Variants in IGSF21 observed in about 807,000 individuals in gnomAD.
IGSF21 encodes immunoglobin superfamily member 21, also known as immunoglobulin superfamily member 21.
IGSF21 carries 28 observed loss-of-function variants against 46.8 expected under a neutral mutation model. The observed-to-expected ratio is 0.60, with a 90% CI of 0.44 to 0.82. IGSF21 has a LOEUF of 0.82. Among genes scored for constraint, IGSF21 ranks in the 40% least tolerant of loss-of-function variants. The probability of loss-of-function intolerance (pLI) is 0.00; values close to 1 mark genes in which losing one functional copy is unlikely to be tolerated. For missense variants in IGSF21, 624 were observed against 665.5 expected, an observed-to-expected ratio of 0.94 and a Z score of 0.69; for synonymous variants, 284 against 273.6, an observed-to-expected ratio of 1.04 and a Z score of -0.38.
intron 3 of IGSF21, among the ~76,000 whole-genome samples, chr1:18,302,110 C>G (rs1385438572): frequency 6.6e-6 from 1 of 151,812 alleles, no homozygotes; most frequent in East Asian, 1.9e-4. Context: ...CAGGTTCCCA[C>G]TTCTTCTCTC....
intron 3 of IGSF21, among the ~76,000 whole-genome samples, chr1:18,324,437 C>G (rs1329057377): frequency 6.6e-6 from 1 of 152,234 alleles, no homozygotes; most frequent in Non-Finnish European, 1.5e-5. Context: ...CCAAGCCTCC[C>G]CAACCGCCTG....
chr1:18,378,441 T>G lies in IGSF21; in HGVS notation c.*115T>G. On this transcript the variant is annotated 3_prime_UTR_variant, in exon 10 of 10. Coordinates refer to ENST00000251296, the MANE Select transcript of IGSF21 (RefSeq NM_032880.5). ...GTCTCTTTCCATCTGTGTCTTGGCT[T>G]CTTCAGTCGGTTTAATTAAAACAAA... 1.2e-6 allele frequency: 1 copy of G among 867,572 alleles called. No individual in the cohort carries two copies. The highest frequency in any genetic ancestry group is 1.6e-5 in the South Asian group (1 of 61,052). The allele number at this position is 867,572 out of a possible 1,614,324, so 53.7% of individuals were successfully genotyped here. A position where few individuals can be genotyped will look rare whatever the true frequency, so the allele number is the denominator to read the frequency against.
intron 2 of IGSF21, among the ~76,000 whole-genome samples, chr1:18,260,044 T>G (rs954110414): frequency 1.3e-5 from 2 of 152,220 alleles, no homozygotes. Context: ...AACATCCCCC[T>G]CATCGTTTGG....
intron 2 of IGSF21, among the ~76,000 whole-genome samples, chr1:18,231,179 T>G (rs2084622590): frequency 3.9e-5 from 6 of 152,132 alleles, no homozygotes. Flanking sequence ...GCCCAAAACA[T>G]GTGTCAAGCC....
intron 2 of IGSF21, among the ~76,000 whole-genome samples, chr1:18,288,496 T>G (rs1410400005): frequency 6.6e-6 from 1 of 152,196 alleles, no homozygotes; most frequent in Non-Finnish European, 1.5e-5. Flanking sequence ...TTCTCGGCCG[T>G]GAGGCTGCAA....
chr1:18,123,643 G>A (rs1276148740), intron 1 of IGSF21, among the ~76,000 whole-genome samples: 1 of 152,168 alleles, frequency 6.6e-6, no homozygotes, highest in Non-Finnish European at 1.5e-5. Flanking sequence ...AAGGGGTGAT[G>A]CATGACTGGG....
chr1:18,344,201 C>T (rs1221021810), intron 4 of IGSF21, among the ~76,000 whole-genome samples: 1 of 152,222 alleles, frequency 6.6e-6, no homozygotes, highest in Non-Finnish European at 1.5e-5. Context: ...TTCTTTTCCA[C>T]TCTGTCACCC....
At chr1:18,227,725 G>C (rs879251849) in intron 1 of IGSF21, among the ~76,000 whole-genome samples, 173 bp from the exon 2 acceptor site, 1 of 151,956 alleles carries the variant, frequency 6.6e-6, no homozygotes, top group South Asian at 2.1e-4. Context: ...CTCCATTTGG[G>C]CCTGCAGTCA....
Position 18,273,395 on chromosome 1 carries a change from CTTTCCTTTCCTTTCCTTTCT to C in IGSF21, c.184-18448_184-18429del, listed in dbSNP as rs1557618221. ...CTTTCCTTTCCTTTCCTTTCCTTTC[CTTTCCTTTCCTTTCCTTTCT>C]TTTCCTTTCCTTTCCTTTCTTTCTT... On this transcript the variant is annotated intron_variant, in intron 2 of 9. Transcript: ENST00000251296. Among the ~76,000 whole-genome samples, 76 of 136,620 alleles carry C rather than the reference CTTTCCTTTCCTTTCCTTTCT, an allele frequency of 5.6e-4. 1 individual carries two copies. Among genetic ancestry groups the C allele is most frequent in the African/African-American group, 1.9e-3 (68 of 35,526 alleles). The allele number at this position is 136,620 out of a possible 152,430, so 89.6% of individuals were successfully genotyped here. A position where few individuals can be genotyped will look rare whatever the true frequency, so the allele number is the denominator to read the frequency against.
chr1:18,196,832 G>A (rs79420115), intron 1 of IGSF21, among the ~76,000 whole-genome samples: 2,327 of 152,240 alleles, frequency 0.015, 58 homozygotes, highest in African/African-American at 0.053. Flanking sequence ...TCTGGAAGAT[G>A]CTGTTTTCCC....
chr1:18,165,422 G>C (rs1439310786), intron 1 of IGSF21, among the ~76,000 whole-genome samples: 1 of 152,052 alleles, frequency 6.6e-6, no homozygotes, highest in African/African-American at 2.4e-5. Context: ...CTTCTTATAA[G>C]GACACTAGTC....
chr1:18,200,255 G>T (rs1294922535), intron 1 of IGSF21, among the ~76,000 whole-genome samples: 1 of 152,240 alleles, frequency 6.6e-6, no homozygotes, highest in Non-Finnish European at 1.5e-5. Context: ...GAGGTTATGT[G>T]AGTGAAATTA....
chr1:18,271,593 G>A (rs1339856865), intron 2 of IGSF21, among the ~76,000 whole-genome samples: 4 of 152,156 alleles, frequency 2.6e-5, no homozygotes, highest in Non-Finnish European at 4.4e-5. Flanking sequence ...GTACAAGTGC[G>A]GTTGCTGTGA....
intron 1 of IGSF21, among the ~76,000 whole-genome samples, chr1:18,176,546 G>A (rs2086799457): frequency 6.6e-6 from 1 of 152,146 alleles, no homozygotes; most frequent in Non-Finnish European, 1.5e-5. Flanking sequence ...GCATCTCTTG[G>A]CACATAGCAG....
chr1:18,220,107 G>C (rs754737033), intron 1 of IGSF21, among the ~76,000 whole-genome samples: 2 of 152,200 alleles, frequency 1.3e-5, no homozygotes, highest in Non-Finnish European at 2.9e-5. Context: ...CGAGGGCCTT[G>C]TTGTTATGGT....
At chr1:18,234,096 C>T (rs1004548031) in intron 2 of IGSF21, among the ~76,000 whole-genome samples, 1 of 152,164 alleles carries the variant, frequency 6.6e-6, no homozygotes, top group East Asian at 1.9e-4. Flanking sequence ...TCTAGACAAC[C>T]CCTTTGGCCC....
At chr1:18,128,770 C>T (rs907908329) in intron 1 of IGSF21, among the ~76,000 whole-genome samples, 10 of 146,838 alleles carry the variant, frequency 6.8e-5, no homozygotes, top group Admixed American at 7.0e-5. Flanking sequence ...GAGTTAGCCA[C>T]TGTCTCTTGC....
At chr1:18,371,371 A>G (rs1468681033) in intron 6 of IGSF21, among the ~76,000 whole-genome samples, 1 of 152,180 alleles carries the variant, frequency 6.6e-6, no homozygotes, top group Non-Finnish European at 1.5e-5. Context: ...CGGGAGTTTG[A>G]GACCAGCCTG....
At position 18,160,710 on chromosome 1, in the gene IGSF21, C is replaced by A. The variant is rs567409205; in HGVS notation, c.70+52512C>A. Among the ~76,000 whole-genome samples the A allele has an allele frequency of 2.0e-5, 3 of 152,304 alleles. No individual in the cohort carries two copies. In the South Asian group the frequency reaches 6.2e-4, roughly 32 times the overall value. On this transcript the variant is annotated intron_variant, in intron 1 of 9. Coordinates refer to ENST00000251296, the MANE Select transcript of IGSF21 (RefSeq NM_032880.5). ...AACCCACTGATGGGGGGAACTAAACCAGCAGCTTCCCCATTCTGAACTTCA... is the reference window on the plus strand; with the variant it reads ...AACCCACTGATGGGGGGAACTAAACAAGCAGCTTCCCCATTCTGAACTTCA...
Sources: gnomAD v4.1 joint callset for allele counts (sites outside exome capture counted in the v4.1 genomes callset) on GRCh38, gnomAD v4.1.1 for gene constraint, MANE v1.5 for transcripts, NCBI Gene and HGNC (gene_info 2026-07-23, HGNC 2026-07-21) for gene names.